The following MAP2K5 variants were observed in gnomAD, a reference collection of about 807,000 sequenced individuals.
MAP2K5 encodes mitogen-activated protein kinase kinase 5, also known as dual specificity mitogen-activated protein kinase kinase 5.
Under a neutral mutation model 83.1 loss-of-function variants are expected in MAP2K5, and 49 were observed. The observed-to-expected ratio is 0.59, with a 90% CI of 0.47 to 0.75. MAP2K5 has a LOEUF of 0.75. Among genes scored for constraint, MAP2K5 ranks in the 30% least tolerant of loss-of-function variants. MAP2K5 has a pLI of 0.00. For missense variants in MAP2K5, 457 were observed against 557.5 expected (o/e 0.82, Z 1.82); for synonymous variants, 202 against 191.8 (o/e 1.05, Z -0.44).
At chr15:67,580,653 T>A (rs1306966431) in intron 3 of MAP2K5, 101 bp from the exon 4 acceptor site, 22 of 769,474 alleles carry the variant, frequency 2.9e-5, no homozygotes, top group East Asian at 2.0e-4. Flanking sequence ...GATATGTATA[T>A]ACCAGCAATT....
rs192473492 is a variant in MAP2K5 at position 67,576,159 on chromosome 15, T to C, written c.253-4595T>C. 5.0e-4 allele frequency among the ~76,000 whole-genome samples: 73 copies of C among 146,646 alleles called. 9 individuals are homozygous for C. The highest frequency in any genetic ancestry group is 4.5e-3 in the Admixed American group (66 of 14,714). ...CTTGAACTCCTGATCTCAGGTGATCTGCCTGCCTTGGCCTTCCAAAGTGCT... is the reference window on the plus strand; with the variant it reads ...CTTGAACTCCTGATCTCAGGTGATCCGCCTGCCTTGGCCTTCCAAAGTGCT... On this transcript the variant is annotated intron_variant, in intron 3 of 21. Transcript: ENST00000178640.
At position 67,747,704 on chromosome 15, in the gene MAP2K5, T is replaced by C. The variant is rs975148885; in HGVS notation, c.1075-527T>C. The stretch of plus-strand genomic sequence containing the variant: ...AGAAGGAACTTTGGAAAAGGTGGAG[T>C]TGTTACCCCACTCCTAAGTTAGGTG... On this transcript the variant is annotated intron_variant, in intron 17 of 21. Coordinates refer to ENST00000178640, the MANE Select transcript of MAP2K5 (RefSeq NM_145160.3). This position sits in a 1 kb window ranked among gnomAD's most constrained non-coding sequence, Gnocchi z 4.1. 1.3e-5 allele frequency among the ~76,000 whole-genome samples: 2 copies of C among 152,126 alleles called. No homozygotes were observed. The highest frequency in any genetic ancestry group is 4.8e-5 in the African/African-American group (2 of 41,410).
Position 67,665,681 on chromosome 15 carries a change from T to C in MAP2K5, c.847+1036T>C, listed in dbSNP as rs2087358958. Among the ~76,000 whole-genome samples, 3 of 152,146 alleles carry C rather than the reference T, an allele frequency of 2.0e-5. No individual in the cohort carries two copies. The highest frequency in any genetic ancestry group is 4.1e-4 in the South Asian group (2 of 4,826). Reference sequence around the variant, plus strand: ...GATTTTGACAAATCAAATAGTCAGGTTTTTGAAGGTATTTAACTGACTAAA... The same window carrying C: ...GATTTTGACAAATCAAATAGTCAGGCTTTTGAAGGTATTTAACTGACTAAA... On this transcript the variant is annotated intron_variant, in intron 13 of 21. Transcript: ENST00000178640. This position sits in a 1 kb window ranked among gnomAD's most constrained non-coding sequence, Gnocchi z 4.2.
chr15:67,766,026 A>G (rs1002203462), intron 19 of MAP2K5, among the ~76,000 whole-genome samples: 2 of 152,206 alleles, frequency 1.3e-5, no homozygotes, highest in Admixed American at 1.3e-4. Context: ...GTTCTCTAGC[A>G]TGCTGCGTGC....
chr15:67,756,971 T>G (rs761614249), intron 19 of MAP2K5, among the ~76,000 whole-genome samples: 3 of 152,212 alleles, frequency 2.0e-5, no homozygotes, highest in Non-Finnish European at 2.9e-5. Context: ...TGTCTTCCTA[T>G]CTTGGCTATT....
chr15:67,603,738 A>C (rs2085716509), intron 8 of MAP2K5, among the ~76,000 whole-genome samples: 1 of 152,214 alleles, frequency 6.6e-6, no homozygotes, highest in Non-Finnish European at 1.5e-5. Flanking sequence ...GTCTCTATAA[A>C]ACTAAGTGTT....
chr15:67,750,589 A>G lies in MAP2K5; in HGVS notation c.1134+1988A>G, dbSNP rs1194156899. On this transcript the variant is annotated intron_variant, in intron 19 of 21. Transcript: ENST00000178640. The surrounding 1 kb of genome is among the most constrained non-coding windows in gnomAD (Gnocchi z 4.2). ...TGTTGTAATGCAAATTCCTGAGCCC[A>G]GATCGCTGAATTAGACTTTCTAGGG... Among the ~76,000 whole-genome samples, 3 of 152,198 alleles carry G rather than the reference A, an allele frequency of 2.0e-5. No individual in the cohort carries two copies. Among genetic ancestry groups the G allele is most frequent in the Non-Finnish European group, 4.4e-5 (3 of 68,026 alleles).
chr15:67,795,238 T>A (rs1348794852), intron 21 of MAP2K5, among the ~76,000 whole-genome samples: 6 of 152,238 alleles, frequency 3.9e-5, no homozygotes, highest in Non-Finnish European at 8.8e-5. Context: ...TCTTTCTATT[T>A]AATTCCTTCA....
chr15:67,715,278 G>A (rs1049076135), intron 16 of MAP2K5, among the ~76,000 whole-genome samples: 16 of 152,168 alleles, frequency 1.1e-4, no homozygotes, highest in Non-Finnish European at 1.9e-4. Flanking sequence ...TGCAAAAGGA[G>A]CTGTTAAAAT....
At chr15:67,691,970 A>G (rs2088125337) in intron 13 of MAP2K5, among the ~76,000 whole-genome samples, 1 of 152,252 alleles carries the variant, frequency 6.6e-6, no homozygotes. Context: ...TAGCAGTACT[A>G]CATTAATTTC....
chr15:67,611,425 G>A (rs1008869647), intron 8 of MAP2K5, among the ~76,000 whole-genome samples: 2 of 152,230 alleles, frequency 1.3e-5, no homozygotes, highest in East Asian at 1.9e-4. Context: ...ACTGACCGAA[G>A]GGGCAAATGA....
intron 13 of MAP2K5, among the ~76,000 whole-genome samples, chr15:67,673,721 T>C (rs1306084107): frequency 6.6e-6 from 1 of 152,220 alleles, no homozygotes; most frequent in African/African-American, 2.4e-5. Flanking sequence ...AAAGATAATT[T>C]GCATAAAGCT....
rs879639306 is a variant in MAP2K5, at chr15:67,677,279, T to G, written c.847+12634T>G. Among the ~76,000 whole-genome samples the G allele has an allele frequency of 1.3e-5, 2 of 152,190 alleles. No homozygotes were observed. Among genetic ancestry groups the G allele is most frequent in the Middle Eastern group, 3.2e-3 (1 of 316 alleles). On this transcript the variant is annotated intron_variant, in intron 13 of 21. Coordinates refer to ENST00000178640, the MANE Select transcript of MAP2K5 (RefSeq NM_145160.3). This position sits in a 1 kb window ranked among gnomAD's most constrained non-coding sequence, Gnocchi z 4.2. ...AGTCGAAGCCTCTAGTTTTGTGTCC[T>G]TGGGCAAGTAATTTCATTAATTTGA...
chr15:67,582,789 C>T (rs577340213), intron 4 of MAP2K5, among the ~76,000 whole-genome samples: 1 of 151,726 alleles, frequency 6.6e-6, no homozygotes, highest in East Asian at 1.9e-4. Flanking sequence ...CCACTGTACT[C>T]CAGCCTGAGT....
intron 13 of MAP2K5, among the ~76,000 whole-genome samples, chr15:67,687,833 G>C (rs1214288952): frequency 6.6e-6 from 1 of 152,036 alleles, no homozygotes; most frequent in Non-Finnish European, 1.5e-5. Flanking sequence ...AGATGTGGTA[G>C]TGAACAAAAC....
At chr15:67,550,201 T>C in intron 2 of MAP2K5, 119 bp downstream of exon 2, 2 of 657,994 alleles carry the variant, frequency 3.0e-6, no homozygotes, top group South Asian at 4.1e-5. Flanking sequence ...CATCATATGG[T>C]ACATTTAAAT....
chr15:67,646,044 C>G (rs1567332776), intron 9 of MAP2K5, among the ~76,000 whole-genome samples, 187 bp from the exon 10 acceptor site: 2 of 152,188 alleles, frequency 1.3e-5, no homozygotes, highest in South Asian at 2.1e-4. Flanking sequence ...TACCACCTCC[C>G]CCAGTATAGA....
rs1223904455 is a variant in MAP2K5 at position 67,676,966 on chromosome 15, T to C, written c.847+12321T>C. Among the ~76,000 whole-genome samples the C allele has an allele frequency of 2.0e-5, 3 of 152,210 alleles. No individual in the cohort carries two copies. Among genetic ancestry groups the C allele is most frequent in the Non-Finnish European group, 4.4e-5 (3 of 68,026 alleles). On this transcript the variant is annotated intron_variant, in intron 13 of 21. Coordinates refer to ENST00000178640, the MANE Select transcript of MAP2K5 (RefSeq NM_145160.3). The surrounding 1 kb of genome is among the most constrained non-coding windows in gnomAD (Gnocchi z 4.8). ...TGAGGTCATAGCATTGTACCTGGCATATAACAGCTATTATTATGTCAAATA... is the reference window on the plus strand; with the variant it reads ...TGAGGTCATAGCATTGTACCTGGCACATAACAGCTATTATTATGTCAAATA...
intron 3 of MAP2K5, among the ~76,000 whole-genome samples, chr15:67,567,044 T>C (rs563225463): frequency 1.3e-5 from 2 of 152,370 alleles, no homozygotes; most frequent in East Asian, 1.9e-4. Flanking sequence ...TTAGAAGTTG[T>C]ATTCTTTTCT....
Sources: allele counts gnomAD v4.1 joint callset (sites outside exome capture counted in the v4.1 genomes callset), GRCh38; gene constraint gnomAD v4.1.1; non-coding constraint Gnocchi (gnomAD v3.1); transcripts MANE v1.5; gene names NCBI Gene and HGNC (gene_info 2026-07-23, HGNC 2026-07-21).